The following DCUN1D5 variants were observed in gnomAD, a reference collection of about 807,000 sequenced individuals.
DCUN1D5 encodes the protein DCN1-like protein 5.
A neutral mutation model predicts 38.3 loss-of-function variants in DCUN1D5; 10 were observed. The ratio of observed to expected loss-of-function variants is 0.26; its 90% CI spans 0.16 to 0.44. DCUN1D5 has a LOEUF of 0.44. Among genes scored for constraint, DCUN1D5 ranks in the 20% least tolerant of loss-of-function variants. The pLI is 1.00. For synonymous variants in DCUN1D5, 93 were observed against 90.9 expected, an observed-to-expected ratio of 1.02 and a Z score of -0.13; for missense variants, 148 against 275.3, an observed-to-expected ratio of 0.54 and a Z score of 3.27.
In DCUN1D5 at chr11:103,056,030, T is replaced by C. The variant is rs1283724401; in HGVS notation, c.*6329A>G. 6.6e-6 allele frequency among the ~76,000 whole-genome samples: 1 copy of C among 152,194 alleles called. No homozygotes were observed. Among genetic ancestry groups the C allele is most frequent in the East Asian group, 1.9e-4 (1 of 5,194 alleles). On this transcript the variant is annotated 3_prime_UTR_variant, in exon 8 of 8. Transcript: ENST00000260247. The surrounding 1 kb of genome is among the most constrained non-coding windows in gnomAD (Gnocchi z 4.9). ...ATACCTCACATCCATTCTATCAGCA[T>C]ATCCTTTTGGTGCTACCACCAAAAT...
rs1404136596 is a variant in DCUN1D5, at chr11:103,077,040, T to C, written c.341+5708A>G. ...GGTGAAACCCCGTCTCTACTAAAAA[T>C]ACAAAAAAAATTAGCTGGGTGTGGT... On this transcript the variant is annotated intron_variant, in intron 4 of 7. Coordinates refer to ENST00000260247, the MANE Select transcript of DCUN1D5 (RefSeq NM_032299.4). The surrounding 1 kb of genome is among the most constrained non-coding windows in gnomAD (Gnocchi z 4.3). 6.6e-6 allele frequency among the ~76,000 whole-genome samples: 1 copy of C among 151,850 alleles called. No individual in the cohort carries two copies. Among genetic ancestry groups the C allele is most frequent in the Non-Finnish European group, 1.5e-5 (1 of 67,958 alleles).
chr11:103,054,636 A>C lies in DCUN1D5; in HGVS notation c.*7723T>G, dbSNP rs1483160330. The C allele has an allele frequency of 6.6e-6, 1 of 152,086 alleles. No homozygotes were observed. The highest frequency in any genetic ancestry group is 1.5e-5 in the Non-Finnish European group (1 of 67,972). 9.4% of individuals were successfully genotyped at this position (152,086 alleles called of 1,614,324 possible). ...TATAATAATACCCAGCACATAGTTA[A>C]TTATTTCCTGAAAAAATGTTTTCAT... On this transcript the variant is annotated 3_prime_UTR_variant, in exon 8 of 8. Coordinates refer to ENST00000260247, the MANE Select transcript of DCUN1D5 (RefSeq NM_032299.4).
Position 103,091,664 on chromosome 11 carries a change from C to T in DCUN1D5, c.86+123G>A. On this transcript the variant is annotated intron_variant, in intron 1 of 7. Coordinates refer to ENST00000260247, the MANE Select transcript of DCUN1D5 (RefSeq NM_032299.4). This position sits in a 1 kb window ranked among gnomAD's most constrained non-coding sequence, Gnocchi z 4.3. ...GCGGTGTTCGGCACCTACAGCCTAG[C>T]TCGATCAAAGGGGCCTCACCTGTCT... The T allele has an allele frequency of 6.3e-7, 1 of 1,581,526 alleles. No homozygotes were observed. Among genetic ancestry groups the T allele is most frequent in the East Asian group, 2.3e-5 (1 of 43,860 alleles).
At chr11:103,069,952 C>T (rs1417748005) in intron 4 of DCUN1D5, among the ~76,000 whole-genome samples, 1 of 152,000 alleles carries the variant, frequency 6.6e-6, no homozygotes, top group Non-Finnish European at 1.5e-5. Context: ...ACTTGTCAAA[C>T]CAAGATCTCA....
rs1162415431 is a variant in DCUN1D5, at chr11:103,062,486, C to T, written c.659-72G>A. On this transcript the variant is annotated intron_variant, in intron 7 of 7. Transcript: ENST00000260247. This position sits in a 1 kb window ranked among gnomAD's most constrained non-coding sequence, Gnocchi z 4.6. ...CTCCAATTATAAAACAAACTCCCCA[C>T]GAGCTCTGCAATGACAGAGGAATGA... The T allele has an allele frequency of 3.0e-6, 4 of 1,335,926 alleles. No individual in the cohort carries two copies. The highest frequency in any genetic ancestry group is 1.8e-4 in the Middle Eastern group (1 of 5,424). The allele number at this position is 1,335,926 out of a possible 1,614,324, so 82.8% of individuals were successfully genotyped here.
Position 103,062,164 on chromosome 11 carries a change from A to G in DCUN1D5, c.*195T>C, listed in dbSNP as rs1862028243. On this transcript the variant is annotated 3_prime_UTR_variant, in exon 8 of 8. Transcript: ENST00000260247. The surrounding 1 kb of genome is among the most constrained non-coding windows in gnomAD (Gnocchi z 4.6). ...ACTCAAAACAAAAACTTCAATATTC[A>G]GTCTAAGAAGAGGTGTGGCTCAATG... 2 of 509,576 alleles carry G rather than the reference A, an allele frequency of 3.9e-6. No homozygotes were observed. Among genetic ancestry groups the G allele is most frequent in the Admixed American group, 7.4e-5 (2 of 27,184 alleles). The allele number at this position is 509,576 out of a possible 1,614,324, so 31.6% of individuals were successfully genotyped here.
At position 103,083,344 on chromosome 11, in the gene DCUN1D5, A is replaced by G. The variant is rs766357942; in HGVS notation, c.179-18T>C. The G allele has an allele frequency of 2.6e-5, 37 of 1,434,656 alleles. No individual in the cohort carries two copies. The highest frequency in any genetic ancestry group is 3.6e-5 in the Non-Finnish European group (37 of 1,019,464). The allele number at this position is 1,434,656 out of a possible 1,614,324, so 88.9% of individuals were successfully genotyped here. On this transcript the variant is annotated intron_variant, in intron 2 of 7. Coordinates refer to ENST00000260247, the MANE Select transcript of DCUN1D5 (RefSeq NM_032299.4). This position sits in a 1 kb window ranked among gnomAD's most constrained non-coding sequence, Gnocchi z 4.4. ...ATCAGGACCTTCAAAGACAAAAATA[A>G]TTAACATATTTTGTTATAATATCAA...
Position 103,053,665 on chromosome 11 carries a change from C to T in DCUN1D5, c.*8694G>A, listed in dbSNP as rs575254091. The T allele has an allele frequency of 6.6e-6, 1 of 151,094 alleles. No homozygotes were observed. Among genetic ancestry groups the T allele is most frequent in the East Asian group, 1.9e-4 (1 of 5,146 alleles). 9.4% of individuals were successfully genotyped at this position (151,094 alleles called of 1,614,324 possible). On this transcript the variant is annotated 3_prime_UTR_variant, in exon 8 of 8. Transcript: ENST00000260247. This position sits in a 1 kb window ranked among gnomAD's most constrained non-coding sequence, Gnocchi z 4.8. ...TGAATATATCATACTATCACATGTA[C>T]CCCCAAATAAATACATCATGTATCA... is the stretch of plus-strand genomic sequence containing the variant.
rs1288332604 is a variant in DCUN1D5 at position 103,086,823 on chromosome 11, T to TA, written c.178+2403dup. 6.6e-6 allele frequency among the ~76,000 whole-genome samples: 1 copy of TA among 151,702 alleles called. No homozygotes were observed. Among genetic ancestry groups the TA allele is most frequent in the African/African-American group, 2.4e-5 (1 of 41,314 alleles). ...TTGCAAAAGTGAAAATTAGCTTAAATAAAAAATAAACATAAAATAATATCT... is the reference window on the plus strand; with the variant it reads ...TTGCAAAAGTGAAAATTAGCTTAAATAAAAAAATAAACATAAAATAATATCT... On this transcript the variant is annotated intron_variant, in intron 2 of 7. Coordinates refer to ENST00000260247, the MANE Select transcript of DCUN1D5 (RefSeq NM_032299.4). The surrounding 1 kb of genome is among the most constrained non-coding windows in gnomAD (Gnocchi z 4.1).
rs1003306765 is a variant in DCUN1D5 at position 103,059,438 on chromosome 11, T to A, written c.*2921A>T. ...TGTATTTAAGAGAAATACTCCTCAA[T>A]CTAACATTCCCAAAGAAGGCTTCAA... On this transcript the variant is annotated 3_prime_UTR_variant, in exon 8 of 8. Coordinates refer to ENST00000260247, the MANE Select transcript of DCUN1D5 (RefSeq NM_032299.4). 2.8e-4 allele frequency among the ~76,000 whole-genome samples: 43 copies of A among 152,026 alleles called. No individual in the cohort carries two copies. Among genetic ancestry groups the A allele is most frequent in the African/African-American group, 9.7e-4 (40 of 41,400 alleles).
chr11:103,064,398 T>C lies in DCUN1D5; in HGVS notation c.556-21A>G. ...GATTGCTGCAAAAATGATTTAAATA[T>C]TTGTATTTAAATATTTAAACAAACA... On this transcript the variant is annotated intron_variant, in intron 6 of 7. Transcript: ENST00000260247. The surrounding 1 kb of genome is among the most constrained non-coding windows in gnomAD (Gnocchi z 4.5). 6.5e-7 allele frequency: 1 copy of C among 1,534,370 alleles called. No homozygotes were observed. The highest frequency in any genetic ancestry group is 8.9e-7 in the Non-Finnish European group (1 of 1,125,594).
In DCUN1D5 at chr11:103,057,218, C is replaced by T. The variant is rs1192899820; in HGVS notation, c.*5141G>A. 6.6e-6 allele frequency among the ~76,000 whole-genome samples: 1 copy of T among 152,192 alleles called. No individual in the cohort carries two copies. Among genetic ancestry groups the T allele is most frequent in the Non-Finnish European group, 1.5e-5 (1 of 68,038 alleles). ...TAGTAAAGTATATAAACTAACTTCA[C>T]TTAAGTCAATACTCACAAGTTAATT... is the stretch of plus-strand genomic sequence containing the variant. On this transcript the variant is annotated 3_prime_UTR_variant, in exon 8 of 8. Coordinates refer to ENST00000260247, the MANE Select transcript of DCUN1D5 (RefSeq NM_032299.4). The surrounding 1 kb of genome is among the most constrained non-coding windows in gnomAD (Gnocchi z 4.8).
Position 103,057,594 on chromosome 11 carries a change from T to A in DCUN1D5, c.*4765A>T, listed in dbSNP as rs193030093. Among the ~76,000 whole-genome samples the A allele has an allele frequency of 3.3e-3, 501 of 151,532 alleles. 1 individual carries two copies. Among genetic ancestry groups the A allele is most frequent in the Non-Finnish European group, 5.5e-3 (376 of 67,818 alleles). Reference sequence around the variant, plus strand: ...ACTTAGCTGGGCATGGTGGCAGGCATCTGTAATCCCAGCTACTTGGGAGGT... The same window carrying A: ...ACTTAGCTGGGCATGGTGGCAGGCAACTGTAATCCCAGCTACTTGGGAGGT... On this transcript the variant is annotated 3_prime_UTR_variant, in exon 8 of 8. Transcript: ENST00000260247. The surrounding 1 kb of genome is among the most constrained non-coding windows in gnomAD (Gnocchi z 4.8).
chr11:103,090,194 T>C (rs192522872), intron 1 of DCUN1D5, among the ~76,000 whole-genome samples: 1 of 152,342 alleles, frequency 6.6e-6, no homozygotes, highest in East Asian at 1.9e-4. Flanking sequence ...GCTATCTTAA[T>C]GTACTTAACT....
At position 103,087,540 on chromosome 11, in the gene DCUN1D5, C is replaced by G. The variant is rs1025679922; in HGVS notation, c.178+1687G>C. Reference sequence around the variant, plus strand: ...TGGCACATGCCTATATTCCCACCTACTAGAAAGGCTGAGGTGGGAGGATGG... The same window carrying G: ...TGGCACATGCCTATATTCCCACCTAGTAGAAAGGCTGAGGTGGGAGGATGG... On this transcript the variant is annotated intron_variant, in intron 2 of 7. Coordinates refer to ENST00000260247, the MANE Select transcript of DCUN1D5 (RefSeq NM_032299.4). The surrounding 1 kb of genome is among the most constrained non-coding windows in gnomAD (Gnocchi z 4.1). 6.6e-6 allele frequency among the ~76,000 whole-genome samples: 1 copy of G among 152,114 alleles called. No homozygotes were observed. Among genetic ancestry groups the G allele is most frequent in the African/African-American group, 2.4e-5 (1 of 41,420 alleles).
Position 103,091,686 on chromosome 11 carries a change from G to A in DCUN1D5, c.86+101C>T. 1 of 1,605,898 alleles carries A rather than the reference G, an allele frequency of 6.2e-7. No homozygotes were observed. On this transcript the variant is annotated intron_variant, in intron 1 of 7. Transcript: ENST00000260247. This position sits in a 1 kb window ranked among gnomAD's most constrained non-coding sequence, Gnocchi z 4.3. Reference sequence around the variant, plus strand: ...TAGCTCGATCAAAGGGGCCTCACCTGTCTCCAGCCCCAGCCCGGCAGGCCG... The same window carrying A: ...TAGCTCGATCAAAGGGGCCTCACCTATCTCCAGCCCCAGCCCGGCAGGCCG...
intron 3 of DCUN1D5, 51 bp from the exon 4 acceptor site, chr11:103,082,890 T>C: frequency 7.2e-7 from 1 of 1,397,360 alleles, no homozygotes; most frequent in Non-Finnish European, 1.0e-6. Flanking sequence ...ATAGAGATAA[T>C]CATGTCTATA....
chr11:103,054,012 C>T lies in DCUN1D5; in HGVS notation c.*8347G>A, dbSNP rs1177857797. 2 of 152,068 alleles carry T rather than the reference C, an allele frequency of 1.3e-5. No individual in the cohort carries two copies. The highest frequency in any genetic ancestry group is 2.9e-5 in the Non-Finnish European group (2 of 67,976). 9.4% of individuals were successfully genotyped at this position (152,068 alleles called of 1,614,324 possible). A position where few individuals can be genotyped will look rare whatever the true frequency, so the allele number is the denominator to read the frequency against. ...CACAGAAATAGGTACCCTAAAAGGA[C>T]TAGGGGTGCAAGAGGACCATGTATG... On this transcript the variant is annotated 3_prime_UTR_variant, in exon 8 of 8. Coordinates refer to ENST00000260247, the MANE Select transcript of DCUN1D5 (RefSeq NM_032299.4).
intron 1 of DCUN1D5, 109 bp from the exon 2 acceptor site, chr11:103,089,427 T>C (rs776166190): frequency 4.0e-5 from 39 of 966,340 alleles, no homozygotes; most frequent in Admixed American, 1.2e-4. Context: ...GTTTTTTTTT[T>C]CTTCGGTTGG....
Sources: allele counts gnomAD v4.1 joint callset (sites outside exome capture counted in the v4.1 genomes callset), GRCh38; gene constraint gnomAD v4.1.1; non-coding constraint Gnocchi (gnomAD v3.1); transcripts MANE v1.5; gene names NCBI Gene and HGNC (gene_info 2026-07-23, HGNC 2026-07-21).